The following MATN2 variants were observed in gnomAD, a reference collection of about 807,000 sequenced individuals.
MATN2 encodes the protein matrilin-2.
In MATN2, 69 loss-of-function variants were observed where a neutral mutation model predicts 103.2. The observed-to-expected ratio is 0.67, with a 90% CI of 0.55 to 0.82. MATN2 has a LOEUF of 0.82. MATN2 is among the 40% of genes least tolerant of loss of function. The pLI, the probability that MATN2 is intolerant of heterozygous loss-of-function variation, is 0.00. For synonymous variants in MATN2, 429 were observed against 450.2 expected (o/e 0.95, Z 0.60); for missense variants, 1,023 against 1,211.5 (o/e 0.84, Z 2.31).
At chr8:97,896,943 C>T (rs1388400789) in intron 2 of MATN2, among the ~76,000 whole-genome samples, 1 of 149,604 alleles carries the variant, frequency 6.7e-6, no homozygotes, top group Non-Finnish European at 1.5e-5. Context: ...GATCAGGCAA[C>T]ACAGTAGGGC....
chr8:97,947,357 C>T (rs1011709533), intron 4 of MATN2, among the ~76,000 whole-genome samples: 8 of 151,878 alleles, frequency 5.3e-5, no homozygotes, highest in South Asian at 4.1e-4. Context: ...AGCGAGACTC[C>T]GTCTCAAAAC....
In MATN2 at chr8:97,941,888, C is replaced by T. The variant is rs562944193; in HGVS notation, c.824C>T (p.Thr275Met). 5.1e-5 allele frequency: 83 copies of T among 1,612,952 alleles called. No homozygotes were observed. In the South Asian group the frequency reaches 5.2e-4, roughly 10 times the overall value. The change falls in exon 4 of 19, where the codon ACG (threonine) becomes ATG (methionine). Residue 275 changes from threonine to methionine, a missense_variant. Physicochemically the swap from Thr to Met is moderately conservative, Grantham distance 81. Coordinates refer to ENST00000254898, the MANE Select transcript of MATN2 (RefSeq NM_002380.5). ...KQGYILNSDQ[T>M]TCRIQDLCAM... ...GGCTACATTCTCAACTCGGATCAGA[C>T]GACTTGCAGAAGTAAGATTGCTTTG...
Position 97,994,554 on chromosome 8 carries a change from C to G in MATN2, c.1156C>G (p.His386Asp). The part of the protein sequence containing the change: ...CVNTDDSYSC[H>D]CLKGFTLNPD... ...TAACACAGATGATTCCTATTCCTGC[C>G]ACTGCCTGAAAGGCTTTACCCTGAA... is the stretch of plus-strand genomic sequence containing the variant. Residue 386 changes from histidine to aspartate, a missense_variant, in exon 7 of 19, where the codon CAC becomes GAC. By Grantham distance (81) the His-to-Asp change is moderately conservative. Coordinates refer to ENST00000254898, the MANE Select transcript of MATN2 (RefSeq NM_002380.5). The G allele has an allele frequency of 6.2e-7, 1 of 1,613,756 alleles. No individual in the cohort carries two copies. The highest frequency in any genetic ancestry group is 8.5e-7 in the Non-Finnish European group (1 of 1,179,800).
In MATN2 at chr8:97,994,541, T is replaced by C; in HGVS notation, c.1143T>C (p.Asp381=). The C allele has an allele frequency of 6.2e-7, 1 of 1,613,768 alleles. No individual in the cohort carries two copies. Among genetic ancestry groups the C allele is most frequent in the Non-Finnish European group, 8.5e-7 (1 of 1,179,796 alleles). Residue 381 remains aspartate (D), a synonymous_variant, in exon 7 of 19, where the codon GAT becomes GAC. Coordinates refer to ENST00000254898, the MANE Select transcript of MATN2 (RefSeq NM_002380.5). ...AGCACGAGTGTGTTAACACAGATGATTCCTATTCCTGCCACTGCCTGAAAG... is the reference window on the plus strand; with the variant it reads ...AGCACGAGTGTGTTAACACAGATGACTCCTATTCCTGCCACTGCCTGAAAG... ...GCQHECVNTD[D]SYSCHCLKGF... is the part of the protein sequence containing the mutation.
At chr8:97,934,871 A>G (rs778211532) in intron 3 of MATN2, among the ~76,000 whole-genome samples, 7 of 152,216 alleles carry the variant, frequency 4.6e-5, no homozygotes, top group Non-Finnish European at 1.0e-4. Flanking sequence ...ATCTGTAGCT[A>G]TCTGCTTAGG....
intron 2 of MATN2, among the ~76,000 whole-genome samples, chr8:97,921,898 C>G (rs376893244): frequency 2.6e-5 from 4 of 152,326 alleles, no homozygotes; most frequent in East Asian, 3.9e-4. Flanking sequence ...AGTCCGTGGC[C>G]TGTTAGGAAC....
chr8:97,931,417 AC>A lies in MATN2; in HGVS notation c.609del (p.Leu204Ter), dbSNP rs763463945. 3.0e-5 allele frequency: 49 copies of A among 1,613,324 alleles called. No homozygotes were observed. The highest frequency in any genetic ancestry group is 4.1e-5 in the Non-Finnish European group (48 of 1,179,674). On this transcript the variant is annotated frameshift_variant, in exon 3 of 19. Transcript: ENST00000254898. LOFTEE classifies it high-confidence loss of function. The surrounding 1 kb of genome is among the most constrained non-coding windows in gnomAD (Gnocchi z 4.1). ...TGGTGTGGGCCAGGTAGACTTCAACACCTTGAAGTCCATTGGGAGTGAGCCC... is the reference window on the plus strand; with the variant it reads ...TGGTGTGGGCCAGGTAGACTTCAACACTTGAAGTCCATTGGGAGTGAGCCC... ...AIGVGQVDFNTLKSIGSEPHE... is the reference protein window; with the variant it reads ...AIGVGQVDFNXLKSIGSEPHE...
At chr8:97,902,849 C>T (rs371177764) in intron 2 of MATN2, among the ~76,000 whole-genome samples, 206 of 152,282 alleles carry the variant, frequency 1.4e-3, no homozygotes, top group African/African-American at 4.6e-3. Flanking sequence ...TACCCACTCC[C>T]CTCAACACAG....
chr8:97,954,317 T>C (rs1811070678), intron 4 of MATN2, among the ~76,000 whole-genome samples: 1 of 152,238 alleles, frequency 6.6e-6, no homozygotes, highest in Non-Finnish European at 1.5e-5. Flanking sequence ...CTGTTAAAAA[T>C]GGAAGCCTGC....
chr8:97,911,091 C>A (rs1431889253), intron 2 of MATN2, among the ~76,000 whole-genome samples: 1 of 152,098 alleles, frequency 6.6e-6, no homozygotes. Context: ...CGCCTTCAAG[C>A]GTTTCTCCTG....
chr8:98,032,859 GTT>G (rs1485971391), intron 16 of MATN2, among the ~76,000 whole-genome samples, 181 bp from the exon 17 acceptor site: 1 of 151,354 alleles, frequency 6.6e-6, no homozygotes, highest in South Asian at 2.1e-4. Flanking sequence ...TGTTGTTGTT[GTT>G]TTTTGTTTTT....
At chr8:97,893,838 C>T (rs567228436) in intron 2 of MATN2, among the ~76,000 whole-genome samples, 1 of 152,128 alleles carries the variant, frequency 6.6e-6, no homozygotes, top group Non-Finnish European at 1.5e-5. Flanking sequence ...CCGCCGCACC[C>T]GGCCCCCAGT....
intron 5 of MATN2, among the ~76,000 whole-genome samples, chr8:97,969,749 C>T (rs992842293): frequency 1.7e-4 from 26 of 152,150 alleles, no homozygotes; most frequent in South Asian, 2.1e-4. Context: ...ACAGATTCAC[C>T]GCTGCAAACA....
intron 2 of MATN2, among the ~76,000 whole-genome samples, chr8:97,896,717 A>G (rs1446625188): frequency 1.3e-5 from 2 of 150,078 alleles, no homozygotes; most frequent in Admixed American, 6.6e-5. Context: ...GGGCAGAGGG[A>G]TCAGGTAACA....
intron 10 of MATN2, among the ~76,000 whole-genome samples, chr8:98,012,005 A>G (rs1813183237): frequency 6.6e-6 from 1 of 152,222 alleles, no homozygotes; most frequent in South Asian, 2.1e-4. Context: ...CTTATGTGTA[A>G]AAGGAGGAGA....
At position 98,007,533 on chromosome 8, in the gene MATN2, T is replaced by A; in HGVS notation, c.1505T>A (p.Met502Lys). ...DHGCEYSCVN[M>K]DRSFACQCPE... The stretch of plus-strand genomic sequence containing the variant: ...GGTTGTGAATACTCCTGTGTCAACA[T>A]GGACAGATCCTTTGCCTGTCAGTGT... Residue 502 changes from methionine to lysine, a missense_variant, in exon 10 of 19, where the codon ATG (methionine) becomes AAG (lysine). By Grantham distance (95) the Met-to-Lys change is moderately conservative. Coordinates refer to ENST00000254898, the MANE Select transcript of MATN2 (RefSeq NM_002380.5). This position sits in a 1 kb window ranked among gnomAD's most constrained non-coding sequence, Gnocchi z 4.2. 1.2e-6 allele frequency: 2 copies of A among 1,613,718 alleles called. No individual in the cohort carries two copies. The highest frequency in any genetic ancestry group is 1.7e-6 in the Non-Finnish European group (2 of 1,179,610).
chr8:97,906,436 T>C (rs1408236692), intron 2 of MATN2, among the ~76,000 whole-genome samples: 1 of 152,196 alleles, frequency 6.6e-6, no homozygotes, highest in African/African-American at 2.4e-5. Flanking sequence ...CTAAGTTTCC[T>C]GGGTCTCAAA....
chr8:97,950,201 GT>G (rs1810898811), intron 4 of MATN2, among the ~76,000 whole-genome samples: 1 of 152,196 alleles, frequency 6.6e-6, no homozygotes, highest in Non-Finnish European at 1.5e-5. Flanking sequence ...TCAGAACAAG[GT>G]TTCGGAAGTA....
At chr8:97,972,287 C>T (rs1446390078) in intron 5 of MATN2, among the ~76,000 whole-genome samples, 1 of 147,708 alleles carries the variant, frequency 6.8e-6, no homozygotes, top group East Asian at 2.0e-4. Context: ...TGCAGTGAGC[C>T]GTGATCATGC....
Sources: allele counts gnomAD v4.1 joint callset (sites outside exome capture counted in the v4.1 genomes callset), GRCh38; gene constraint gnomAD v4.1.1; non-coding constraint Gnocchi (gnomAD v3.1); transcripts MANE v1.5; gene names NCBI Gene and HGNC (gene_info 2026-07-23, HGNC 2026-07-21).